SNX9: variants seen among roughly 807,000 people sequenced by gnomAD.
SNX9 encodes the protein sorting nexin-9.
In SNX9, 44 loss-of-function variants were observed where a neutral mutation model predicts 89.4. The observed-to-expected ratio is 0.49, with a 90% CI of 0.39 to 0.63. The LOEUF is 0.63. Among genes scored for constraint, SNX9 ranks in the 30% least tolerant of loss-of-function variants. The probability of loss-of-function intolerance (pLI) is 0.00; values close to 1 mark genes in which losing one functional copy is unlikely to be tolerated. For missense variants in SNX9, 578 were observed against 736.1 expected (o/e 0.79, Z 2.49); for synonymous variants, 236 against 247.8 (o/e 0.95, Z 0.45).
At position 157,870,555 on chromosome 6, in the gene SNX9, CTGCTCTCACA is replaced by C. The variant is rs1239783058; in HGVS notation, c.100-2546_100-2537del. 4.7e-5 allele frequency among the ~76,000 whole-genome samples: 7 copies of C among 148,648 alleles called. No individual in the cohort carries two copies. In the South Asian group the frequency reaches 6.5e-4, roughly 14 times the overall value. ...ACGCACACCCCTCAGACACTCTCAC[CTGCTCTCACA>C]CATATATGCACTCACCCGTGCAAGC... On this transcript the variant is annotated intron_variant, in intron 2 of 17. Transcript: ENST00000392185.
intron 4 of SNX9, among the ~76,000 whole-genome samples, chr6:157,890,892 C>G (rs1336309879): frequency 6.6e-6 from 1 of 152,172 alleles, no homozygotes; most frequent in African/African-American, 2.4e-5. Flanking sequence ...TCCCATTTTA[C>G]TGCTCTTGCT....
rs969819933 is a variant in SNX9, at chr6:157,936,143, CTTCTT to C, written c.1443+108_1443+112del. 9.0e-4 allele frequency: 700 copies of C among 777,686 alleles called. 9 individuals are homozygous for C. Among genetic ancestry groups the C allele is most frequent in the Middle Eastern group, 2.5e-4 (1 of 3,938 alleles). 48.2% of individuals were successfully genotyped at this position (777,686 alleles called of 1,614,324 possible). Reference sequence around the variant, plus strand: ...GACAAACGTCCCAAATAAGTACCCTCTTCTTTTCTGTTTCTGTGTATCTTTTTTAA... The same window carrying C: ...GACAAACGTCCCAAATAAGTACCCTCTTCTGTTTCTGTGTATCTTTTTTAA... On this transcript the variant is annotated intron_variant, in intron 14 of 17. Coordinates refer to ENST00000392185, the MANE Select transcript of SNX9 (RefSeq NM_016224.5).
intron 1 of SNX9, among the ~76,000 whole-genome samples, chr6:157,826,983 A>G (rs182406861): frequency 3.5e-5 from 2 of 56,424 alleles, no homozygotes; most frequent in African/African-American, 2.3e-4. Context: ...TATATATTAT[A>G]GTTTATATAA....
At chr6:157,874,645 A>G (rs534812636) in intron 3 of SNX9, 1 of 158,394 alleles carries the variant, frequency 6.3e-6, no homozygotes, top group African/African-American at 2.4e-5. Context: ...TCAAGCTTAC[A>G]TGGAACATTC....
intron 11 of SNX9, among the ~76,000 whole-genome samples, chr6:157,927,924 A>T (rs989558017): frequency 1.5e-4 from 22 of 143,990 alleles, no homozygotes; most frequent in African/African-American, 5.2e-4. Flanking sequence ...AAAAGTATAG[A>T]CAAGTAACAC....
chr6:157,913,555 A>C (rs544589794), intron 9 of SNX9, among the ~76,000 whole-genome samples: 4 of 152,292 alleles, frequency 2.6e-5, no homozygotes, highest in African/African-American at 9.6e-5. Flanking sequence ...TTTTTGGTGT[A>C]CAGTTCTGAG....
intron 6 of SNX9, among the ~76,000 whole-genome samples, chr6:157,902,723 A>C (rs1368244477): frequency 6.6e-6 from 1 of 152,148 alleles, no homozygotes; most frequent in African/African-American, 2.4e-5. Flanking sequence ...GCTGAAGTGC[A>C]GTGGTGCGAT....
At chr6:157,875,279 C>CA (rs1190299403) in intron 4 of SNX9, 103 bp downstream of exon 4, 2 of 1,416,086 alleles carry the variant, frequency 1.4e-6, no homozygotes, top group African/African-American at 2.9e-5. Context: ...TCCCCAAAAG[C>CA]AAAAACAAAG....
chr6:157,922,870 A>T (rs182876352), intron 10 of SNX9, among the ~76,000 whole-genome samples: 42 of 152,330 alleles, frequency 2.8e-4, no homozygotes, highest in African/African-American at 8.7e-4. Flanking sequence ...AGTTCTTTGA[A>T]TTCAGTAAAT....
At chr6:157,888,077 T>C (rs1782774704) in intron 4 of SNX9, among the ~76,000 whole-genome samples, 1 of 152,212 alleles carries the variant, frequency 6.6e-6, no homozygotes, top group South Asian at 2.1e-4. Flanking sequence ...ACAGACCAGC[T>C]GGGCTGTTGT....
At chr6:157,824,040 C>T (rs1285518349) in intron 1 of SNX9, among the ~76,000 whole-genome samples, 2 of 152,228 alleles carry the variant, frequency 1.3e-5, no homozygotes, top group African/African-American at 4.8e-5. Flanking sequence ...GCTACCTTTT[C>T]ATTGTGAATG....
chr6:157,905,540 C>T (rs182930600), intron 6 of SNX9, among the ~76,000 whole-genome samples: 1 of 151,534 alleles, frequency 6.6e-6, no homozygotes, highest in African/African-American at 2.4e-5. Flanking sequence ...ACCTCCCCCC[C>T]ACCCCCTCCC....
chr6:157,854,223 T>C (rs905208398), intron 1 of SNX9, among the ~76,000 whole-genome samples: 4 of 152,252 alleles, frequency 2.6e-5, no homozygotes, highest in African/African-American at 9.6e-5. Flanking sequence ...CCAGTGAGCA[T>C]GCAGTTTTAC....
intron 4 of SNX9, among the ~76,000 whole-genome samples, chr6:157,892,959 G>A (rs1330445675): frequency 6.6e-6 from 1 of 151,358 alleles, no homozygotes; most frequent in Non-Finnish European, 1.5e-5. Flanking sequence ...GTGGCCCTCC[G>A]AGCCCCTCCA....
At chr6:157,897,032 G>A (rs761466008) in intron 5 of SNX9, 34 bp downstream of exon 5, 14 of 1,373,626 alleles carry the variant, frequency 1.0e-5, no homozygotes, top group Middle Eastern at 2.7e-4. Context: ...CACCCTGCCC[G>A]CCCATGGCTG....
chr6:157,826,143 CA>C (rs1362223246), intron 1 of SNX9, among the ~76,000 whole-genome samples: 1 of 151,974 alleles, frequency 6.6e-6, no homozygotes, highest in Admixed American at 6.6e-5. Flanking sequence ...CTATATTTTA[CA>C]ATAAAAAAGG....
At chr6:157,898,839 G>C (rs916529520) in intron 5 of SNX9, among the ~76,000 whole-genome samples, 1 of 152,226 alleles carries the variant, frequency 6.6e-6, no homozygotes, top group Non-Finnish European at 1.5e-5. Context: ...CCGGCTGAAG[G>C]CTGGCAGTCA....
Position 157,945,066 on chromosome 6 carries a change from C to G in SNX9, c.*2228C>G, listed in dbSNP as rs1159183309. ...TAGTCATACAATCACATAACTTTTA[C>G]AAATATAGTGGAAAAAAAGTCAGTA... On this transcript the variant is annotated 3_prime_UTR_variant, in exon 18 of 18. Coordinates refer to ENST00000392185, the MANE Select transcript of SNX9 (RefSeq NM_016224.5). 1 of 152,126 alleles carries G rather than the reference C, an allele frequency of 6.6e-6. No individual in the cohort carries two copies. Among genetic ancestry groups the G allele is most frequent in the Non-Finnish European group, 1.5e-5 (1 of 68,024 alleles). 9.4% of individuals were successfully genotyped at this position (152,126 alleles called of 1,614,324 possible). A position where few individuals can be genotyped will look rare whatever the true frequency, so the allele number is the denominator to read the frequency against.
chr6:157,851,444 T>A (rs1187730162), intron 1 of SNX9, among the ~76,000 whole-genome samples: 1 of 151,372 alleles, frequency 6.6e-6, no homozygotes, highest in Non-Finnish European at 1.5e-5. Context: ...TTTCTAGAAC[T>A]TTTTTCACCA....
Sources: allele counts gnomAD v4.1 joint callset (sites outside exome capture counted in the v4.1 genomes callset), GRCh38; gene constraint gnomAD v4.1.1; transcripts MANE v1.5; gene names NCBI Gene and HGNC (gene_info 2026-07-23, HGNC 2026-07-21).